CDK15: variants seen among roughly 807,000 people sequenced by gnomAD.
CDK15 encodes the protein cyclin dependent kinase 15.
Under a neutral mutation model 60.3 loss-of-function variants are expected in CDK15, and 62 were observed. The ratio of observed to expected loss-of-function variants is 1.03; its 90% CI spans 0.84 to 1.27. The LOEUF (loss-of-function observed/expected upper bound fraction) is 1.27, where lower values mean the gene tolerates loss of function less well. CDK15 is among the 50% of genes most tolerant of loss of function. The pLI is 0.00. For missense variants in CDK15, 541 were observed against 527.8 expected (o/e 1.03, Z -0.25); for synonymous variants, 194 against 195.7 (o/e 0.99, Z 0.07).
At chr2:201,807,429 G>GT (rs1695560362) in intron 1 of CDK15, 65 bp from the exon 2 acceptor site, 1 of 1,518,484 alleles carries the variant, frequency 6.6e-7, no homozygotes, top group Admixed American at 2.0e-5. Flanking sequence ...AGAAAAAATG[G>GT]TTTTACCAGG....
intron 10 of CDK15, among the ~76,000 whole-genome samples, chr2:201,856,034 G>T (rs955996059): frequency 3.3e-5 from 5 of 151,936 alleles, no homozygotes; most frequent in African/African-American, 1.2e-4. Flanking sequence ...CACCATGTTG[G>T]CCAGGCTGGT....
At chr2:201,881,905 A>G (rs1699291480) in intron 12 of CDK15, among the ~76,000 whole-genome samples, 1 of 152,106 alleles carries the variant, frequency 6.6e-6, no homozygotes, top group Non-Finnish European at 1.5e-5. Context: ...ACACACGCAC[A>G]CACACACACA....
At chr2:201,851,735 T>C (rs1009564365) in intron 9 of CDK15, among the ~76,000 whole-genome samples, 3 of 152,082 alleles carry the variant, frequency 2.0e-5, no homozygotes, top group African/African-American at 7.2e-5. Context: ...TCCTGGCTCA[T>C]TGCAACCTCC....
rs192331608 is a variant in CDK15, at chr2:201,829,661, C to T, written c.607-4187C>T. On this transcript the variant is annotated intron_variant, in intron 6 of 13. Coordinates refer to ENST00000652192, the MANE Select transcript of CDK15 (RefSeq NM_001366386.2). ...TAAAGATTTTGAAATCATCAGAATA[C>T]GGTTGTTCATTAGAGCACTGTCAGT... Among the ~76,000 whole-genome samples the T allele has an allele frequency of 3.0e-3, 455 of 152,102 alleles. 1 individual carries two copies. The highest frequency in any genetic ancestry group is 4.6e-3 in the Non-Finnish European group (316 of 67,982).
intron 9 of CDK15, among the ~76,000 whole-genome samples, chr2:201,850,760 G>A (rs1697872860): frequency 6.6e-6 from 1 of 152,110 alleles, no homozygotes; most frequent in African/African-American, 2.4e-5. Flanking sequence ...CACCATCAGT[G>A]TGCAAATGCT....
At chr2:201,846,265 G>C (rs1188763844) in intron 8 of CDK15, among the ~76,000 whole-genome samples, 1 of 152,074 alleles carries the variant, frequency 6.6e-6, no homozygotes, top group Non-Finnish European at 1.5e-5. Context: ...AGCTGAGGTG[G>C]GTGGATCACT....
At chr2:201,861,447 A>G (rs1698386977) in intron 10 of CDK15, 2 of 985,190 alleles carry the variant, frequency 2.0e-6, no homozygotes, top group Non-Finnish European at 1.2e-6. Context: ...CTCATTTTGC[A>G]GGATGAGTCT....
chr2:201,821,505 T>C (rs1696217984), intron 4 of CDK15, among the ~76,000 whole-genome samples: 1 of 152,144 alleles, frequency 6.6e-6, no homozygotes, highest in Admixed American at 6.5e-5. Context: ...ATTTCAGTTG[T>C]TTTTAATCTT....
intron 4 of CDK15, among the ~76,000 whole-genome samples, chr2:201,817,086 G>T (rs181346075): frequency 1.3e-5 from 2 of 152,222 alleles, no homozygotes; most frequent in South Asian, 2.1e-4. Context: ...AATAAAAGCT[G>T]CTGTCTAACA....
chr2:201,842,635 T>C (rs1427252558), intron 8 of CDK15, among the ~76,000 whole-genome samples: 2 of 152,226 alleles, frequency 1.3e-5, no homozygotes, highest in Admixed American at 6.5e-5. Flanking sequence ...GGATTTTTTT[T>C]CTCCAGGGAC....
intron 10 of CDK15, among the ~76,000 whole-genome samples, chr2:201,857,039 A>T (rs1698170974): frequency 1.1e-5 from 1 of 91,174 alleles, no homozygotes; most frequent in Non-Finnish European, 2.0e-5. Context: ...CTGGCTAACA[A>T]GGTGAAACCC....
chr2:201,866,792 G>T (rs1046723822), intron 10 of CDK15, among the ~76,000 whole-genome samples: 3 of 152,172 alleles, frequency 2.0e-5, no homozygotes, highest in Admixed American at 1.3e-4. Context: ...AAAAATCAAT[G>T]GGAGAGAGGC....
In CDK15 at chr2:201,872,341, A is replaced by T; in HGVS notation, c.1058+15A>T. 1 of 1,612,358 alleles carries T rather than the reference A, an allele frequency of 6.2e-7. No individual in the cohort carries two copies. Among genetic ancestry groups the T allele is most frequent in the Non-Finnish European group, 8.5e-7 (1 of 1,178,802 alleles). On this transcript the variant is annotated intron_variant, in intron 11 of 13. Coordinates refer to ENST00000652192, the MANE Select transcript of CDK15 (RefSeq NM_001366386.2). ...GTCTGGAACAGGTGAGTACTACCTCAGGAAGGGATCTTTAAGGGATCTTTA... is the reference window on the plus strand; with the variant it reads ...GTCTGGAACAGGTGAGTACTACCTCTGGAAGGGATCTTTAAGGGATCTTTA...
intron 6 of CDK15, 130 bp from the exon 7 acceptor site, chr2:201,833,718 T>TCTTCTTC (rs1553523068): frequency 2.2e-3 from 630 of 285,736 alleles, no homozygotes; most frequent in East Asian, 0.012. Flanking sequence ...TTCTTCTTCT[T>TCTTCTTC]TTTTTTTTTT....
intron 8 of CDK15, among the ~76,000 whole-genome samples, chr2:201,841,616 G>C (rs1458028862): frequency 6.6e-6 from 1 of 152,176 alleles, no homozygotes; most frequent in East Asian, 1.9e-4. Context: ...ACCCCATAGG[G>C]TCCAAAGTGA....
intron 8 of CDK15, among the ~76,000 whole-genome samples, chr2:201,836,210 T>C (rs865840167): frequency 3.5e-4 from 45 of 128,032 alleles, no homozygotes; most frequent in African/African-American, 1.3e-3. Flanking sequence ...TATATATGTA[T>C]TTTTTTTTTT....
chr2:201,871,066 C>T (rs766995053), intron 10 of CDK15, among the ~76,000 whole-genome samples: 1 of 152,130 alleles, frequency 6.6e-6, no homozygotes, highest in Non-Finnish European at 1.5e-5. Flanking sequence ...TTATTATCAC[C>T]TATTTTGGAA....
intron 3 of CDK15, 24 bp downstream of exon 3, chr2:201,807,976 G>A: frequency 6.3e-7 from 1 of 1,590,608 alleles, no homozygotes; most frequent in Non-Finnish European, 8.6e-7. Context: ...AGCTGGGAGA[G>A]ACTTTAGAGA....
At chr2:201,842,512 A>G (rs1474641768) in intron 8 of CDK15, among the ~76,000 whole-genome samples, 1 of 152,216 alleles carries the variant, frequency 6.6e-6, no homozygotes, top group African/African-American at 2.4e-5. Context: ...ACTGCCATAT[A>G]TTACGTTATT....
Sources: gnomAD v4.1 joint callset for allele counts (sites outside exome capture counted in the v4.1 genomes callset) on GRCh38, gnomAD v4.1.1 for gene constraint, MANE v1.5 for transcripts, NCBI Gene and HGNC (gene_info 2026-07-23, HGNC 2026-07-21) for gene names.